Variants in IGDCC3 observed in about 807,000 individuals in gnomAD.
IGDCC3 encodes the protein immunoglobulin superfamily DCC subclass member 3.
Under a neutral mutation model 72.0 loss-of-function variants are expected in IGDCC3, and 47 were observed. That is an observed-to-expected ratio of 0.65 (90% CI 0.52 to 0.83). The LOEUF (loss-of-function observed/expected upper bound fraction) is 0.83, where lower values mean the gene tolerates loss of function less well. Among genes scored for constraint, IGDCC3 ranks in the 40% least tolerant of loss-of-function variants. The probability of loss-of-function intolerance (pLI) is 0.00; values close to 1 mark genes in which losing one functional copy is unlikely to be tolerated. For missense variants in IGDCC3, 1,038 were observed against 1,091.3 expected (o/e 0.95, Z 0.69); for synonymous variants, 477 against 472.8 (o/e 1.01, Z -0.11).
chr15:65,334,080 T>C (rs1409840334), intron 5 of IGDCC3, among the ~76,000 whole-genome samples: 3 of 151,422 alleles, frequency 2.0e-5, no homozygotes, highest in Non-Finnish European at 4.4e-5. Context: ...TACTCCATTA[T>C]CCTGCCTGCT....
At position 65,328,325 on chromosome 15, in the gene IGDCC3, A is replaced by G; in HGVS notation, c.*584T>C. 1 of 82,134 alleles carries G rather than the reference A, an allele frequency of 1.2e-5. No individual in the cohort carries two copies. Among genetic ancestry groups the G allele is most frequent in the Admixed American group, 1.8e-4 (1 of 5,508 alleles). 5.1% of individuals were successfully genotyped at this position (82,134 alleles called of 1,614,324 possible). A position where few individuals can be genotyped will look rare whatever the true frequency, so the allele number is the denominator to read the frequency against. On this transcript the variant is annotated 3_prime_UTR_variant, in exon 14 of 14. Transcript: ENST00000327987. Reference sequence around the variant, plus strand: ...TTTTTTTTTTTTTTTTTTACTCTGGACAACAGTGTGGGAAGGGAGAGGGGG... The same window carrying G: ...TTTTTTTTTTTTTTTTTTACTCTGGGCAACAGTGTGGGAAGGGAGAGGGGG...
At position 65,331,140 on chromosome 15, in the gene IGDCC3, A is replaced by T. The variant is rs773657976; in HGVS notation, c.1471T>A (p.Ser491Thr). The T allele has an allele frequency of 3.1e-6, 5 of 1,614,056 alleles. No individual in the cohort carries two copies. Among genetic ancestry groups the T allele is most frequent in the Non-Finnish European group, 3.4e-6 (4 of 1,180,002 alleles). Residue 491 changes from serine (S) to threonine (T), a missense_variant, in exon 9 of 14, where the codon TCC becomes ACC. Ser to Thr is a moderately conservative substitution (Grantham distance 58, BLOSUM62 1). Transcript: ENST00000327987. The stretch of plus-strand genomic sequence containing the variant: ...TTGATGTAGAAACTGTAGGCTGTGG[A>T]GGGCTCCAGGTCGCTGACCAGGTGC... The part of the protein sequence containing the change: ...FQHLVSDLEP[S>T]TAYSFYIKAY...
intron 2 of IGDCC3, among the ~76,000 whole-genome samples, chr15:65,369,897 A>AGGGGT (rs2091312749): frequency 6.6e-6 from 1 of 151,994 alleles, no homozygotes; most frequent in Non-Finnish European, 1.5e-5. Flanking sequence ...CTCCACCCAG[A>AGGGGT]CCCTGCCCCC....
At position 65,329,393 on chromosome 15, in the gene IGDCC3, G is replaced by A; in HGVS notation, c.2202C>T (p.Pro734=). ...TGTTTAAGACATGGGCACTCACTGTGGGTCTGGGGTCCGGCTGCCCTGCTG... is the reference window on the plus strand; with the variant it reads ...TGTTTAAGACATGGGCACTCACTGTAGGTCTGGGGTCCGGCTGCCCTGCTG... ...ASAAGQPDPR[P]TQDPAAPAPC... is the part of the protein sequence containing the mutation. The change falls in exon 13 of 14, where the codon CCC becomes CCT. Residue 734 remains proline, a synonymous_variant. Coordinates refer to ENST00000327987, the MANE Select transcript of IGDCC3 (RefSeq NM_004884.4). This position sits in a 1 kb window ranked among gnomAD's most constrained non-coding sequence, Gnocchi z 4.1. 1 of 1,583,092 alleles carries A rather than the reference G, an allele frequency of 6.3e-7. No individual in the cohort carries two copies. The highest frequency in any genetic ancestry group is 8.6e-7 in the Non-Finnish European group (1 of 1,169,132).
intron 11 of IGDCC3, 34 bp downstream of exon 11, chr15:65,330,259 C>T (rs1344211087): frequency 1.4e-6 from 2 of 1,478,122 alleles, no homozygotes; most frequent in Admixed American, 1.8e-5. Context: ...GGCTTCCCAC[C>T]CACTCAGCCC....
intron 2 of IGDCC3, among the ~76,000 whole-genome samples, chr15:65,337,236 G>A (rs1287663428): frequency 6.6e-6 from 1 of 152,198 alleles, no homozygotes; most frequent in Non-Finnish European, 1.5e-5. Flanking sequence ...CATCTCATTT[G>A]CATGTGGTTC....
chr15:65,371,832 C>A (rs2091327254), intron 2 of IGDCC3, among the ~76,000 whole-genome samples: 1 of 152,220 alleles, frequency 6.6e-6, no homozygotes, highest in African/African-American at 2.4e-5. Context: ...TGCACACATT[C>A]CCCTGGGTCA....
rs1265463581 is a variant in IGDCC3, at chr15:65,331,223, G to A, written c.1397-9C>T. 5 of 1,613,340 alleles carry A rather than the reference G, an allele frequency of 3.1e-6. No homozygotes were observed. The highest frequency in any genetic ancestry group is 2.5e-6 in the Non-Finnish European group (3 of 1,179,654). ...CTCCAGCTCCGGTGGGTCTGGAGAGGCACAGGGTGGGCAGGGGAGTGTGAA... is the reference window on the plus strand; with the variant it reads ...CTCCAGCTCCGGTGGGTCTGGAGAGACACAGGGTGGGCAGGGGAGTGTGAA... On this transcript the variant is annotated splice_polypyrimidine_tract_variant and intron_variant, in intron 8 of 13. Coordinates refer to ENST00000327987, the MANE Select transcript of IGDCC3 (RefSeq NM_004884.4).
intron 8 of IGDCC3, 83 bp downstream of exon 8, chr15:65,331,329 G>A (rs752938591): frequency 1.2e-5 from 19 of 1,564,288 alleles, no homozygotes; most frequent in Non-Finnish European, 1.6e-5. Context: ...AGGAAAGGGA[G>A]GCATCGGGTC....
At chr15:65,366,002 G>T (rs2091286467) in intron 2 of IGDCC3, among the ~76,000 whole-genome samples, 1 of 152,150 alleles carries the variant, frequency 6.6e-6, no homozygotes, top group Admixed American at 6.5e-5. Context: ...GAGGTCAGGA[G>T]TTCGAGACCA....
chr15:65,370,643 TATATAA>T (rs1355962847), intron 2 of IGDCC3, among the ~76,000 whole-genome samples: 3 of 143,126 alleles, frequency 2.1e-5, no homozygotes, highest in African/African-American at 7.9e-5. Flanking sequence ...TATATATATA[TATATAA>T]AATTAGTACC....
Position 65,328,995 on chromosome 15 carries a change from C to T in IGDCC3, c.2359G>A (p.Asp787Asn), listed in dbSNP as rs777386122. The change falls in exon 14 of 14, where the codon GAT (aspartate) becomes AAT (asparagine). Residue 787 changes from aspartate (D) to asparagine (N), a missense_variant. By Grantham distance (23) the Asp-to-Asn change is conservative. Transcript: ENST00000327987. ...AGLAAAPPPP[D>N]GGPGLLSEGQ... is the part of the protein sequence containing the mutation. The stretch of plus-strand genomic sequence containing the variant: ...TCACTGAGGAGGCCAGGGCCTCCAT[C>T]TGGGGGTGGTGGGGCAGCCGCCAGG... The T allele has an allele frequency of 4.3e-6, 7 of 1,610,856 alleles. No homozygotes were observed. The highest frequency in any genetic ancestry group is 3.4e-5 in the Admixed American group (2 of 59,556).
Position 65,335,319 on chromosome 15 carries a change from G to A in IGDCC3, c.657C>T (p.Ile219=). 1.2e-6 allele frequency: 2 copies of A among 1,613,252 alleles called. No homozygotes were observed. Among genetic ancestry groups the A allele is most frequent in the Non-Finnish European group, 1.7e-6 (2 of 1,179,588 alleles). Residue 219 remains isoleucine (I), a synonymous_variant, in exon 4 of 14, where the codon ATC becomes ATT. Transcript: ENST00000327987. Reference sequence around the variant, plus strand: ...ACACAGTGAGCCTGGCCCCGTGGCTGATCCGGATACTGGCGATGTTTGAGG... The same window carrying A: ...ACACAGTGAGCCTGGCCCCGTGGCTAATCCGGATACTGGCGATGTTTGAGG... ...CVASNIASIR[I]SHGARLTVSG...
chr15:65,361,450 GAA>G (rs1165332610), intron 2 of IGDCC3, among the ~76,000 whole-genome samples: 1 of 133,282 alleles, frequency 7.5e-6, no homozygotes, highest in Admixed American at 7.7e-5. Context: ...AGACCCTGTC[GAA>G]AAAAAAAAAA....
Position 65,364,755 on chromosome 15 carries a change from C to T in IGDCC3, c.409+10342G>A, listed in dbSNP as rs572575614. Among the ~76,000 whole-genome samples, 495 of 152,244 alleles carry T rather than the reference C, an allele frequency of 3.3e-3. 5 individuals are homozygous for T. Among genetic ancestry groups the T allele is most frequent in the African/African-American group, 0.012 (480 of 41,534 alleles). On this transcript the variant is annotated intron_variant, in intron 2 of 13. Transcript: ENST00000327987. ...AATTAGCCCGGCGTGGTATTGTGTGCTTGTAGTCCCAGCTTTTTGGGAGGC... is the reference window on the plus strand; with the variant it reads ...AATTAGCCCGGCGTGGTATTGTGTGTTTGTAGTCCCAGCTTTTTGGGAGGC...
At chr15:65,355,248 C>T (rs2091207392) in intron 2 of IGDCC3, among the ~76,000 whole-genome samples, 1 of 152,192 alleles carries the variant, frequency 6.6e-6, no homozygotes, top group African/African-American at 2.4e-5. Context: ...GCCCCGAGAG[C>T]CGCAGTGGCT....
Position 65,335,159 on chromosome 15 carries a change from C to T in IGDCC3, c.685+132G>A, listed in dbSNP as rs1191955171. On this transcript the variant is annotated intron_variant, in intron 4 of 13. Transcript: ENST00000327987. Reference sequence around the variant, plus strand: ...TCCTGTGCACCCTCACGCCAGGCAGCACAGAGCCCGGCACTCTGCACGCAC... The same window carrying T: ...TCCTGTGCACCCTCACGCCAGGCAGTACAGAGCCCGGCACTCTGCACGCAC... 6.8e-6 allele frequency: 7 copies of T among 1,027,794 alleles called. No individual in the cohort carries two copies. In the South Asian group the frequency reaches 1.1e-4, roughly 17 times the overall value. The allele number at this position is 1,027,794 out of a possible 1,614,324, so 63.7% of individuals were successfully genotyped here.
At position 65,334,791 on chromosome 15, in the gene IGDCC3, T is replaced by C; in HGVS notation, c.760A>G (p.Thr254Ala). 1 of 1,611,674 alleles carries C rather than the reference T, an allele frequency of 6.2e-7. No individual in the cohort carries two copies. The highest frequency in any genetic ancestry group is 8.5e-7 in the Non-Finnish European group (1 of 1,179,074). ...PENLTLTVHQ[T>A]AVLECVATGN... is the part of the protein sequence containing the mutation. The stretch of plus-strand genomic sequence containing the variant: ...GTGGCGACACACTCAAGCACCGCGG[T>C]CTGGTGCACTGTCAGGGTGAGGTTC... Residue 254 changes from threonine (T) to alanine (A), a missense_variant, in exon 5 of 14, where the codon ACC (threonine) becomes GCC (alanine). Thr to Ala is a moderately conservative substitution (Grantham distance 58). Transcript: ENST00000327987.
intron 1 of IGDCC3, 104 bp from the exon 2 acceptor site, chr15:65,375,506 A>T: frequency 1.2e-6 from 1 of 822,942 alleles, no homozygotes; most frequent in Non-Finnish European, 1.9e-6. Flanking sequence ...GGGTCTATGC[A>T]CCCCATCCCC....
Sources: gnomAD v4.1 joint callset for allele counts (sites outside exome capture counted in the v4.1 genomes callset) on GRCh38, gnomAD v4.1.1 for gene constraint, Gnocchi (gnomAD v3.1) non-coding constraint, MANE v1.5 for transcripts, NCBI Gene and HGNC (gene_info 2026-07-23, HGNC 2026-07-21) for gene names.